The following SFXN5 variants were observed in gnomAD, a reference collection of about 807,000 sequenced individuals.
SFXN5 encodes the protein sideroflexin-5.
SFXN5 carries 43 observed loss-of-function variants against 50.2 expected under a neutral mutation model. The ratio of observed to expected loss-of-function variants is 0.86; its 90% CI spans 0.67 to 1.11. The LOEUF (loss-of-function observed/expected upper bound fraction) is 1.11, where lower values mean the gene tolerates loss of function less well. Among genes scored for constraint, SFXN5 ranks in the 50% least tolerant of loss-of-function variants. SFXN5 has a pLI of 0.00. For missense variants in SFXN5, 463 were observed against 454.1 expected, an observed-to-expected ratio of 1.02 and a Z score of -0.18; for synonymous variants, 203 against 185.8, an observed-to-expected ratio of 1.09 and a Z score of -0.75.
intron 2 of SFXN5, 132 bp downstream of exon 2, chr2:73,058,396 T>C: frequency 2.6e-6 from 2 of 756,944 alleles, no homozygotes; most frequent in South Asian, 1.7e-5. Flanking sequence ...GAGAATTTGT[T>C]ACCTTCCTCT....
chr2:73,028,200 T>G (rs888086770), intron 3 of SFXN5, among the ~76,000 whole-genome samples: 1 of 152,218 alleles, frequency 6.6e-6, no homozygotes, highest in African/African-American at 2.4e-5. Context: ...AATGTCGTAT[T>G]TCTCGGACAT....
rs1393063153 is a variant in SFXN5, at chr2:72,961,357, C to T, written c.828-109G>A. On this transcript the variant is annotated intron_variant, in intron 12 of 13. Coordinates refer to ENST00000272433, the MANE Select transcript of SFXN5 (RefSeq NM_144579.3). This position sits in a 1 kb window ranked among gnomAD's most constrained non-coding sequence, Gnocchi z 4.4. Reference sequence around the variant, plus strand: ...TCTCTGGGCCCAGGAAGCGTGGTTCCGGGGCAGTGCCAGTGTGCAGCTAAA... The same window carrying T: ...TCTCTGGGCCCAGGAAGCGTGGTTCTGGGGCAGTGCCAGTGTGCAGCTAAA... 1.7e-5 allele frequency: 11 copies of T among 655,278 alleles called. No homozygotes were observed. Among genetic ancestry groups the T allele is most frequent in the African/African-American group, 1.1e-4 (6 of 52,752 alleles). The allele number at this position is 655,278 out of a possible 1,614,324, so 40.6% of individuals were successfully genotyped here.
rs1253000875 is a variant in SFXN5, at chr2:72,944,017, C to T, written c.*1005G>A. 6 of 152,268 alleles carry T rather than the reference C, an allele frequency of 3.9e-5. No individual in the cohort carries two copies. The highest frequency in any genetic ancestry group is 2.0e-4 in the Admixed American group (3 of 15,290). The allele number at this position is 152,268 out of a possible 1,614,324, so 9.4% of individuals were successfully genotyped here. ...TCTGATAGGTGTCTAAGGAGCTGGC[C>T]TAGGCATTCTCAGGCATGAGACCTT... On this transcript the variant is annotated 3_prime_UTR_variant, in exon 14 of 14. Coordinates refer to ENST00000272433, the MANE Select transcript of SFXN5 (RefSeq NM_144579.3).
chr2:72,979,292 C>G (rs1221365299), intron 10 of SFXN5, among the ~76,000 whole-genome samples: 2 of 152,106 alleles, frequency 1.3e-5, no homozygotes, highest in African/African-American at 4.8e-5. Context: ...ATCTAACGTT[C>G]TCTTTCTCTA....
chr2:72,968,421 C>T, intron 12 of SFXN5, 27 bp downstream of exon 12: 1 of 1,602,044 alleles, frequency 6.2e-7, no homozygotes, highest in Non-Finnish European at 8.5e-7. Context: ...CCATGGTGGC[C>T]TCTCCATCCT....
chr2:72,966,515 C>T (rs571635875), intron 12 of SFXN5, among the ~76,000 whole-genome samples: 25 of 152,288 alleles, frequency 1.6e-4, no homozygotes, highest in African/African-American at 3.6e-4. Flanking sequence ...CCATACCATA[C>T]GCATTTTCTT....
intron 6 of SFXN5, among the ~76,000 whole-genome samples, chr2:73,004,689 C>T (rs1176403144): frequency 6.6e-6 from 1 of 151,958 alleles, no homozygotes; most frequent in Non-Finnish European, 1.5e-5. Context: ...CGAGCTGCAT[C>T]GGCCAAATGG....
At chr2:73,001,183 C>T (rs1346931872) in intron 7 of SFXN5, among the ~76,000 whole-genome samples, 1 of 152,228 alleles carries the variant, frequency 6.6e-6, no homozygotes, top group Non-Finnish European at 1.5e-5. Flanking sequence ...AGGCTATGGG[C>T]CTCAGGGTCA....
chr2:73,036,135 A>G (rs1262086401), intron 3 of SFXN5, among the ~76,000 whole-genome samples: 1 of 151,968 alleles, frequency 6.6e-6, no homozygotes, highest in African/African-American at 2.4e-5. Context: ...AACAAGAACC[A>G]CCCGGGCCGC....
intron 10 of SFXN5, 85 bp downstream of exon 10, chr2:72,988,173 G>C: frequency 7.8e-7 from 1 of 1,283,086 alleles, no homozygotes; most frequent in Non-Finnish European, 1.1e-6. Flanking sequence ...CAGGAGAGGT[G>C]TGGAAGGGTC....
rs764566610 is a variant in SFXN5 at position 73,040,868 on chromosome 2, C to T, written c.235G>A (p.Val79Ile). 4.3e-6 allele frequency: 7 copies of T among 1,611,460 alleles called. No homozygotes were observed. In the East Asian group the frequency reaches 1.3e-4, roughly 31 times the overall value. ...DYKHGTLRPG[V>I]TNEQLWSAQK... ...CACAGAGTTACCTGTTCATTGGTGA[C>T]CCCCGGGCGCAGGGTCCCATGCTTA... Residue 79 changes from valine to isoleucine, a missense_variant, in exon 3 of 14, where the codon GTC (valine) becomes ATC (isoleucine). Physicochemically the swap from Val to Ile is conservative, Grantham distance 29 (BLOSUM62 3). Transcript: ENST00000272433.
At chr2:72,959,873 G>A (rs1673513632) in intron 13 of SFXN5, among the ~76,000 whole-genome samples, 1 of 152,156 alleles carries the variant, frequency 6.6e-6, no homozygotes, top group South Asian at 2.1e-4. Context: ...TTGCGGCTGT[G>A]GACCTGTCTT....
At chr2:73,044,597 T>G (rs6718781) in intron 2 of SFXN5, 11,060 of 152,464 alleles carry the variant, frequency 0.073, 1,114 homozygotes, top group African/African-American at 0.23. Flanking sequence ...TGAGAGGTGG[T>G]GAAAGCTGGG....
At chr2:73,059,858 T>C (rs1682607646) in intron 1 of SFXN5, 1 of 963,988 alleles carries the variant, frequency 1.0e-6, no homozygotes, top group Non-Finnish European at 1.2e-6. Context: ...CAATCCAAGA[T>C]GTTCAAAGAT....
intron 13 of SFXN5, among the ~76,000 whole-genome samples, chr2:72,951,136 G>A (rs58677301): frequency 0.039 from 5,932 of 152,258 alleles, 371 homozygotes; most frequent in African/African-American, 0.13. Flanking sequence ...CGCCACAGAA[G>A]TGGGCTGCCA....
chr2:72,979,582 C>T (rs892559996), intron 10 of SFXN5, among the ~76,000 whole-genome samples: 2 of 152,048 alleles, frequency 1.3e-5, no homozygotes, highest in African/African-American at 4.8e-5. Context: ...TGCAGTGAGC[C>T]GAGATCATGC....
intron 9 of SFXN5, among the ~76,000 whole-genome samples, chr2:72,989,452 T>C (rs1672309520): frequency 6.6e-6 from 1 of 152,032 alleles, no homozygotes; most frequent in Non-Finnish European, 1.5e-5. Flanking sequence ...AAGTGGTGGG[T>C]GTGAGCTTGG....
rs180689865 is a variant in SFXN5, at chr2:73,043,800, C to T, written c.172-2869G>A. The stretch of plus-strand genomic sequence containing the variant: ...AAGTAATCTTAAATCTGTAAACATA[C>T]CCCTAAGATAACAACTCCAAAAGTG... On this transcript the variant is annotated intron_variant, in intron 2 of 13. Coordinates refer to ENST00000272433, the MANE Select transcript of SFXN5 (RefSeq NM_144579.3). Among the ~76,000 whole-genome samples the T allele has an allele frequency of 2.3e-4, 35 of 152,236 alleles. No homozygotes were observed. In the East Asian group the frequency reaches 6.8e-3, roughly 29 times the overall value.
intron 1 of SFXN5, among the ~76,000 whole-genome samples, chr2:73,065,608 G>GCTGGTCTTGAACTCCTGAC (rs1683117789): frequency 6.6e-6 from 1 of 152,154 alleles, no homozygotes; most frequent in African/African-American, 2.4e-5. Flanking sequence ...TGTTGGCCAG[G>GCTGGTCTTGAACTCCTGAC]CTGGTCTTGA....
Sources: allele counts gnomAD v4.1 joint callset (sites outside exome capture counted in the v4.1 genomes callset), GRCh38; gene constraint gnomAD v4.1.1; non-coding constraint Gnocchi (gnomAD v3.1); transcripts MANE v1.5; gene names NCBI Gene and HGNC (gene_info 2026-07-23, HGNC 2026-07-21).